PCDHAC1: variants seen among roughly 807,000 people sequenced by gnomAD.
The protein encoded by PCDHAC1 is protocadherin alpha subfamily C, 1.
In PCDHAC1, 42 loss-of-function variants were observed where a neutral mutation model predicts 60.0. The ratio of observed to expected loss-of-function variants is 0.70; its 90% CI spans 0.55 to 0.90. The LOEUF is 0.90. Ranked by LOEUF, PCDHAC1 falls within the 40% of genes least tolerant of loss-of-function variation. The pLI is 0.00. For synonymous variants in PCDHAC1, 468 were observed against 499.3 expected, an observed-to-expected ratio of 0.94 and a Z score of 0.84; for missense variants, 1,160 against 1,222.3, an observed-to-expected ratio of 0.95 and a Z score of 0.76.
intron 3 of PCDHAC1, among the ~76,000 whole-genome samples, chr5:141,000,038 C>T (rs1554257087): frequency 3.3e-5 from 5 of 152,092 alleles, no homozygotes; most frequent in Non-Finnish European, 5.9e-5. Flanking sequence ...TCCAATCACA[C>T]ACACACCACT....
At chr5:140,935,570 T>C (rs2090442737) in intron 1 of PCDHAC1, among the ~76,000 whole-genome samples, 1 of 152,236 alleles carries the variant, frequency 6.6e-6, no homozygotes, top group South Asian at 2.1e-4. Context: ...TTCCTCTCTG[T>C]GTAGTTAAGC....
chr5:141,010,096 A>G lies in PCDHAC1; in HGVS notation c.*159A>G. The G allele has an allele frequency of 6.2e-7, 1 of 1,612,840 alleles. No individual in the cohort carries two copies. Among genetic ancestry groups the G allele is most frequent in the Non-Finnish European group, 8.5e-7 (1 of 1,179,378 alleles). ...CCTGTGTCTGTCTAGAACGCATTTA[A>G]CAGGTTTTGTCGTAAAAGCTTTACT... On this transcript the variant is annotated 3_prime_UTR_variant, in exon 4 of 4. Transcript: ENST00000253807.
chr5:140,928,276 GC>G lies in PCDHAC1; in HGVS notation c.1386del (p.Ser463LeufsTer2). 1 of 1,614,172 alleles carries G rather than the reference GC, an allele frequency of 6.2e-7. No homozygotes were observed. Reference protein sequence around the residue: ...LFVAENNGPGASLGRVFAQDP... With the variant: ...LFVAENNGPGXSLGRVFAQDP... ...CGTTGCTGAAAACAATGGCCCTGGGGCCTCTCTAGGCCGAGTGTTTGCCCAG... is the reference window on the plus strand; with the variant it reads ...CGTTGCTGAAAACAATGGCCCTGGGGCTCTCTAGGCCGAGTGTTTGCCCAG... On this transcript the variant is annotated frameshift_variant, in exon 1 of 4. Transcript: ENST00000253807. LOFTEE classifies it high-confidence loss of function.
intron 3 of PCDHAC1, among the ~76,000 whole-genome samples, chr5:141,003,043 C>T (rs2098108698): frequency 6.6e-6 from 1 of 152,198 alleles, no homozygotes; most frequent in Non-Finnish European, 1.5e-5. Flanking sequence ...CCCTCCTGGC[C>T]TTAACAGAAC....
chr5:140,985,606 C>A (rs1008038466), intron 3 of PCDHAC1, among the ~76,000 whole-genome samples: 1 of 152,300 alleles, frequency 6.6e-6, no homozygotes, highest in South Asian at 2.1e-4. Context: ...AGAGCCCTTT[C>A]CGTGAACCAG....
chr5:140,945,496 A>G (rs2093798194), intron 1 of PCDHAC1, among the ~76,000 whole-genome samples: 1 of 152,142 alleles, frequency 6.6e-6, no homozygotes, highest in South Asian at 2.1e-4. Context: ...TACCCAAAGC[A>G]ATATTGAGCA....
intron 1 of PCDHAC1, chr5:140,967,668 C>T (rs1554229751): frequency 1.2e-6 from 2 of 1,614,108 alleles, no homozygotes; most frequent in Non-Finnish European, 8.5e-7. Flanking sequence ...AGCTACACGT[C>T]GGACCGGGAG....
At chr5:140,961,479 C>G (rs2095615905) in intron 1 of PCDHAC1, among the ~76,000 whole-genome samples, 1 of 152,108 alleles carries the variant, frequency 6.6e-6, no homozygotes, top group Non-Finnish European at 1.5e-5. Context: ...TTTGTCTTGT[C>G]CACGTGAGTA....
rs782079089 is a variant in PCDHAC1, at chr5:141,009,663, C to T, written c.2618C>T (p.Ala873Val). 4 of 1,614,034 alleles carry T rather than the reference C, an allele frequency of 2.5e-6. No individual in the cohort carries two copies. Among genetic ancestry groups the T allele is most frequent in the East Asian group, 2.2e-5 (1 of 44,876 alleles). ...GGAGAAGTGTCCCCTCCAGTCGGTG[C>T]GGGTGTCAACAGCAACAGCTGGACC... Reference protein sequence around the residue: ...EAGEVSPPVGAGVNSNSWTFK... With the variant: ...EAGEVSPPVGVGVNSNSWTFK... Residue 873 changes from alanine to valine, a missense_variant, in exon 4 of 4, where the codon GCG (alanine) becomes GTG (valine). Transcript: ENST00000253807.
intron 1 of PCDHAC1, chr5:140,966,863 C>T: frequency 6.4e-7 from 1 of 1,562,680 alleles, no homozygotes; most frequent in East Asian, 2.3e-5. Flanking sequence ...GCTGCTGTTG[C>T]TGCTGCTGCT....
In PCDHAC1 at chr5:140,928,835, C is replaced by G. The variant is rs782027566; in HGVS notation, c.1943C>G (p.Ser648Cys). 1 of 1,614,036 alleles carries G rather than the reference C, an allele frequency of 6.2e-7. No individual in the cohort carries two copies. Among genetic ancestry groups the G allele is most frequent in the African/African-American group, 1.3e-5 (1 of 74,936 alleles). Residue 648 changes from serine to cysteine, a missense_variant, in exon 1 of 4, where the codon TCC (serine) becomes TGC (cysteine). Ser to Cys is a moderately radical substitution (Grantham distance 112). Around this residue, in one of 3 missense-constraint regions of PCDHAC1, gnomAD observed 1,113 missense variants for 1,163.7 expected, o/e 0.96. Transcript: ENST00000253807. Reference sequence around the variant, plus strand: ...GACCATGGAGACCCACCACTTTCCTCCTCTGTCACTCTGGGTGTGCTGTTG... The same window carrying G: ...GACCATGGAGACCCACCACTTTCCTGCTCTGTCACTCTGGGTGTGCTGTTG... ...VRDHGDPPLS[S>C]SVTLGVLLSN...
At chr5:140,962,170 C>T (rs1326323755) in intron 1 of PCDHAC1, among the ~76,000 whole-genome samples, 6 of 152,194 alleles carry the variant, frequency 3.9e-5, no homozygotes, top group South Asian at 4.1e-4. Context: ...CCACCACACC[C>T]GGCCACTTAT....
intron 1 of PCDHAC1, among the ~76,000 whole-genome samples, chr5:140,952,265 G>A (rs1292970434): frequency 6.6e-6 from 1 of 151,556 alleles, no homozygotes; most frequent in African/African-American, 2.4e-5. Context: ...CCCATTCTGG[G>A]GTCTTGAGGG....
At chr5:140,975,363 G>T (rs1348174294) in intron 1 of PCDHAC1, among the ~76,000 whole-genome samples, 3 of 152,220 alleles carry the variant, frequency 2.0e-5, no homozygotes, top group Non-Finnish European at 2.9e-5. Context: ...GTGCTACATA[G>T]CATAATGTAA....
rs782314357 is a variant in PCDHAC1 at position 140,927,486 on chromosome 5, C to G, written c.594C>G (p.Thr198=). The G allele has an allele frequency of 6.2e-6, 10 of 1,614,128 alleles. No individual in the cohort carries two copies. In the East Asian group the frequency reaches 2.2e-4, roughly 36 times the overall value. ...EKALDREQRA[T]HLLVLTARDG... ...CACTGGATCGCGAACAGCGCGCCACCCACCTGCTGGTGCTTACAGCTCGGG... is the reference window on the plus strand; with the variant it reads ...CACTGGATCGCGAACAGCGCGCCACGCACCTGCTGGTGCTTACAGCTCGGG... The change falls in exon 1 of 4, where the codon ACC becomes ACG. Residue 198 remains threonine, a synonymous_variant. Coordinates refer to ENST00000253807, the MANE Select transcript of PCDHAC1 (RefSeq NM_018898.5).
At chr5:140,952,349 A>T (rs1554220373) in intron 1 of PCDHAC1, among the ~76,000 whole-genome samples, 2 of 152,000 alleles carry the variant, frequency 1.3e-5, no homozygotes, top group African/African-American at 4.8e-5. Flanking sequence ...AAAAAAAAAA[A>T]AAAAAGAAAG....
At position 140,968,456 on chromosome 5, in the gene PCDHAC1, A is replaced by G. The variant is rs782476018; in HGVS notation, c.2434-10493A>G. ...GAGCCCACCACTGAGCAGCACTGTG[A>G]CTGCCAACGTATATGTGGTGGACAT... On this transcript the variant is annotated intron_variant, in intron 1 of 3. Transcript: ENST00000253807. 82 of 1,613,964 alleles carry G rather than the reference A, an allele frequency of 5.1e-5. No individual in the cohort carries two copies. Among genetic ancestry groups the G allele is most frequent in the Non-Finnish European group, 6.2e-5 (73 of 1,180,022 alleles).
intron 3 of PCDHAC1, among the ~76,000 whole-genome samples, chr5:140,990,611 G>A (rs577900189): frequency 6.6e-6 from 1 of 152,116 alleles, no homozygotes; most frequent in Non-Finnish European, 1.5e-5. Context: ...GATGAATACC[G>A]TAAAGGTCTG....
At position 140,982,572 on chromosome 5, in the gene PCDHAC1, C is replaced by G. The variant is rs782271002; in HGVS notation, c.2581+9C>G. 1 of 1,613,760 alleles carries G rather than the reference C, an allele frequency of 6.2e-7. No homozygotes were observed. Among genetic ancestry groups the G allele is most frequent in the Non-Finnish European group, 8.5e-7 (1 of 1,179,726 alleles). On this transcript the variant is annotated intron_variant, in intron 3 of 3. Transcript: ENST00000253807. ...ATCCAGTGCAACACCAGGTAAAGAGCTGGGGTCTCTCCATTCTTTCTTGGT... is the reference window on the plus strand; with the variant it reads ...ATCCAGTGCAACACCAGGTAAAGAGGTGGGGTCTCTCCATTCTTTCTTGGT...
Sources: gnomAD v4.1 joint callset for allele counts (sites outside exome capture counted in the v4.1 genomes callset) on GRCh38, gnomAD v4.1.1 for gene constraint, gnomAD v4.1.1 regional missense constraint, MANE v1.5 for transcripts, NCBI Gene and HGNC (gene_info 2026-07-23, HGNC 2026-07-21) for gene names.